Variants in DIP2B observed in about 807,000 individuals in gnomAD.
The protein encoded by DIP2B is disco-interacting protein 2 homolog B.
DIP2B carries 76 observed loss-of-function variants against 198.0 expected under a neutral mutation model. That is an observed-to-expected ratio of 0.38 (90% confidence interval 0.32 to 0.46). DIP2B has a LOEUF of 0.46. DIP2B is among the 20% of genes least tolerant of loss of function. The pLI is 0.99. For missense variants in DIP2B, 1,559 were observed against 1,978.4 expected, an observed-to-expected ratio of 0.79 and a Z score of 4.02; for synonymous variants, 701 against 739.1, an observed-to-expected ratio of 0.95 and a Z score of 0.84.
At chr12:50,608,668 A>G (rs1959005287) in intron 1 of DIP2B, among the ~76,000 whole-genome samples, 1 of 152,052 alleles carries the variant, frequency 6.6e-6, no homozygotes, top group African/African-American at 2.4e-5. Context: ...AACAAATAGT[A>G]ACACTAGCAC....
chr12:50,615,925 G>A lies in DIP2B; in HGVS notation c.101-10051G>A, dbSNP rs143647949. On this transcript the variant is annotated intron_variant, in intron 1 of 37. Transcript: ENST00000301180. The stretch of plus-strand genomic sequence containing the variant: ...TTCCTCCTGTCCCTTTGACACCTCA[G>A]GTCATTTGTAGAGCAAACTTCTTCT... Among the ~76,000 whole-genome samples the A allele has an allele frequency of 4.5e-3, 688 of 152,268 alleles. 8 individuals are homozygous for A. Among genetic ancestry groups the A allele is most frequent in the African/African-American group, 0.016 (658 of 41,566 alleles).
At chr12:50,575,047 C>T (rs1036849530) in intron 1 of DIP2B, among the ~76,000 whole-genome samples, 2 of 152,064 alleles carry the variant, frequency 1.3e-5, no homozygotes, top group South Asian at 4.1e-4. Flanking sequence ...TTCACAGACT[C>T]CTTTTGTTTA....
chr12:50,718,437 A>G (rs942930480), intron 23 of DIP2B, among the ~76,000 whole-genome samples: 1 of 151,852 alleles, frequency 6.6e-6, no homozygotes, highest in Non-Finnish European at 1.5e-5. Flanking sequence ...CTCCACCCCA[A>G]TCCCTGTCCC....
chr12:50,577,108 C>T (rs536900084), intron 1 of DIP2B, among the ~76,000 whole-genome samples: 2 of 152,248 alleles, frequency 1.3e-5, no homozygotes, highest in Non-Finnish European at 1.5e-5. Flanking sequence ...CCAGTCAAGA[C>T]TTTAAATTTT....
At chr12:50,592,979 C>T (rs981645294) in intron 1 of DIP2B, among the ~76,000 whole-genome samples, 4 of 152,116 alleles carry the variant, frequency 2.6e-5, no homozygotes, top group Admixed American at 2.0e-4. Flanking sequence ...TTAAATATGA[C>T]AAGTTGTCAG....
At chr12:50,549,538 T>A (rs964930645) in intron 1 of DIP2B, among the ~76,000 whole-genome samples, 6 of 144,942 alleles carry the variant, frequency 4.1e-5, no homozygotes, top group African/African-American at 7.9e-5. Context: ...TCAAAAAAAA[T>A]AATAATAAAA....
At chr12:50,700,630 C>T (rs893353764) in intron 19 of DIP2B, among the ~76,000 whole-genome samples, 1 of 152,180 alleles carries the variant, frequency 6.6e-6, no homozygotes, top group African/African-American at 2.4e-5. Context: ...CTGGGCTGAA[C>T]CTTATCTTTG....
chr12:50,726,357 A>G (rs532647523), intron 28 of DIP2B, among the ~76,000 whole-genome samples: 1 of 152,106 alleles, frequency 6.6e-6, no homozygotes, highest in Non-Finnish European at 1.5e-5. Flanking sequence ...CTTGGCTACC[A>G]TTCTCTTTTG....
At position 50,640,792 on chromosome 12, in the gene DIP2B, G is replaced by C; in HGVS notation, c.241G>C (p.Ala81Pro). The C allele has an allele frequency of 6.2e-7, 1 of 1,613,932 alleles. No homozygotes were observed. Among genetic ancestry groups the C allele is most frequent in the South Asian group, 1.1e-5 (1 of 91,074 alleles). Reference sequence around the variant, plus strand: ...TGCTCCATCTGCAGCTCAAACTTCTGCTCCCTCTAAGTACCACCGAACTCG... The same window carrying C: ...TGCTCCATCTGCAGCTCAAACTTCTCCTCCCTCTAAGTACCACCGAACTCG... ...TPAPSAAQTS[A>P]PSKYHRTRSG... is the part of the protein sequence containing the mutation. Residue 81 changes from alanine to proline, a missense_variant, in exon 3 of 38, where the codon GCT becomes CCT. Transcript: ENST00000301180.
chr12:50,521,770 A>G, intron 1 of DIP2B, among the ~76,000 whole-genome samples: 1 of 151,670 alleles, frequency 6.6e-6, no homozygotes, highest in South Asian at 2.1e-4. Context: ...TTGGCCTCCC[A>G]AAGTGTTGGG....
chr12:50,507,917 T>C (rs1216071320), intron 1 of DIP2B, among the ~76,000 whole-genome samples: 2 of 151,816 alleles, frequency 1.3e-5, no homozygotes, highest in Non-Finnish European at 1.5e-5. Context: ...TTTCTCTCTT[T>C]TTTTTTTTAA....
At chr12:50,642,125 C>T (rs553853167) in intron 3 of DIP2B, among the ~76,000 whole-genome samples, 1 of 150,958 alleles carries the variant, frequency 6.6e-6, no homozygotes, top group South Asian at 2.1e-4. Flanking sequence ...AATGTTCAGT[C>T]GGGAAAAAAA....
chr12:50,631,797 G>A (rs989847330), intron 2 of DIP2B, among the ~76,000 whole-genome samples: 2 of 152,096 alleles, frequency 1.3e-5, no homozygotes, highest in African/African-American at 4.8e-5. Flanking sequence ...TCTGTCAGTG[G>A]TAAATTCTTT....
rs376582212 is a variant in DIP2B at position 50,732,533 on chromosome 12, A to G, written c.3978A>G (p.Leu1326=). The G allele has an allele frequency of 1.7e-5, 28 of 1,614,004 alleles. No homozygotes were observed. Among genetic ancestry groups the G allele is most frequent in the Non-Finnish European group, 2.2e-5 (26 of 1,180,040 alleles). The change falls in exon 32 of 38, where the codon TTA becomes TTG. Residue 1326 remains leucine (L), a synonymous_variant. Coordinates refer to ENST00000301180, the MANE Select transcript of DIP2B (RefSeq NM_173602.3). ...FGSRVNVAIC[L]QGTSGPDPTT... ...CAAGAGTCAATGTAGCAATATGTTT[A>G]CAGGTGACCCTCATGAAATCTTGTC...
chr12:50,561,392 A>G (rs1011649055), intron 1 of DIP2B, among the ~76,000 whole-genome samples: 9 of 152,152 alleles, frequency 5.9e-5, no homozygotes, highest in African/African-American at 2.2e-4. Flanking sequence ...ACCTTTATTC[A>G]CTACCTCCAT....
At chr12:50,505,445 G>A (rs1006550802) in intron 1 of DIP2B, among the ~76,000 whole-genome samples, 1 of 152,168 alleles carries the variant, frequency 6.6e-6, no homozygotes, top group Non-Finnish European at 1.5e-5. Flanking sequence ...CCCATGGAGG[G>A]GACTAAGTAA....
In DIP2B at chr12:50,739,495, C is replaced by G; in HGVS notation, c.4263C>G (p.Arg1421=). Reference sequence around the variant, plus strand: ...TTCAAGCTGATCATTTCAACACTCGCCTCAGCTTTGGAGATGCAGCTCAGA... The same window carrying G: ...TTCAAGCTGATCATTTCAACACTCGGCTCAGCTTTGGAGATGCAGCTCAGA... ...ETLQADHFNT[R]LSFGDAAQTL... is the part of the protein sequence containing the mutation. Residue 1421 remains arginine (R), a synonymous_variant, in exon 36 of 38, where the codon CGC becomes CGG. Transcript: ENST00000301180. 1 of 1,614,176 alleles carries G rather than the reference C, an allele frequency of 6.2e-7. No individual in the cohort carries two copies. Among genetic ancestry groups the G allele is most frequent in the Middle Eastern group, 1.6e-4 (1 of 6,062 alleles).
intron 30 of DIP2B, among the ~76,000 whole-genome samples, chr12:50,730,887 C>A (rs891648164): frequency 6.6e-6 from 1 of 152,194 alleles, no homozygotes; most frequent in Non-Finnish European, 1.5e-5. Context: ...CCTGGCTTAT[C>A]GAGCTTGAAT....
intron 10 of DIP2B, 39 bp downstream of exon 10, chr12:50,683,287 G>T: frequency 1.3e-6 from 2 of 1,539,254 alleles, no homozygotes; most frequent in South Asian, 2.4e-5. Context: ...AGCCTGATGT[G>T]ACATGGCAGG....
Sources: gnomAD v4.1 joint callset for allele counts (sites outside exome capture counted in the v4.1 genomes callset) on GRCh38, gnomAD v4.1.1 for gene constraint, MANE v1.5 for transcripts, NCBI Gene and HGNC (gene_info 2026-07-23, HGNC 2026-07-21) for gene names.